SEPTIN7: variants seen among roughly 807,000 people sequenced by gnomAD.
SEPTIN7 encodes septin 7.
A neutral mutation model predicts 63.3 loss-of-function variants in SEPTIN7; 10 were observed. That is an observed-to-expected ratio of 0.16 (90% CI 0.10 to 0.27). The LOEUF is 0.27. SEPTIN7 is among the 10% of genes least tolerant of loss of function. The probability of loss-of-function intolerance (pLI) is 1.00; values close to 1 mark genes in which losing one functional copy is unlikely to be tolerated. For synonymous variants in SEPTIN7, 131 were observed against 165.3 expected, an observed-to-expected ratio of 0.79 and a Z score of 1.59; for missense variants, 310 against 521.0, an observed-to-expected ratio of 0.59 and a Z score of 3.94.
At chr7:35,861,806 G>T (rs76920401) in intron 3 of SEPTIN7, among the ~76,000 whole-genome samples, 2,635 of 152,262 alleles carry the variant, frequency 0.017, 33 homozygotes, top group Non-Finnish European at 0.026. Context: ...CACTCTTGCC[G>T]CTCATTTGAA....
At chr7:35,815,170 T>C (rs1241851075) in intron 1 of SEPTIN7, 1 of 447,052 alleles carries the variant, frequency 2.2e-6, no homozygotes, top group Admixed American at 2.5e-5. Flanking sequence ...TTCTAGTTCA[T>C]CTTGTATTTT....
chr7:35,804,287 T>A (rs2115630939), intron 1 of SEPTIN7, among the ~76,000 whole-genome samples: 1 of 152,354 alleles, frequency 6.6e-6, no homozygotes, highest in East Asian at 1.9e-4. Flanking sequence ...TCGGTGACTC[T>A]GCTTTAGGCC....
intron 1 of SEPTIN7, among the ~76,000 whole-genome samples, chr7:35,805,701 T>TA (rs1342284012): frequency 7.2e-5 from 11 of 152,242 alleles, no homozygotes. Context: ...TGCTCCTGCT[T>TA]ACGTTATTTT....
chr7:35,901,899 G>T (rs1472768771), intron 12 of SEPTIN7: 2 of 151,978 alleles, frequency 1.3e-5, no homozygotes, highest in African/African-American at 4.8e-5. Flanking sequence ...TATCACCTCA[G>T]ATTTGATTCA....
chr7:35,898,661 G>C, intron 12 of SEPTIN7: 1 of 234,008 alleles, frequency 4.3e-6, no homozygotes, highest in East Asian at 8.2e-5. Context: ...AGTTTGAGTT[G>C]TGAAAAATAA....
chr7:35,887,470 C>T (rs1787331637), intron 10 of SEPTIN7, among the ~76,000 whole-genome samples: 1 of 152,206 alleles, frequency 6.6e-6, no homozygotes, highest in Non-Finnish European at 1.5e-5. Context: ...CCTCAGCTTC[C>T]TGAGTAGCTG....
intron 3 of SEPTIN7, among the ~76,000 whole-genome samples, chr7:35,839,446 G>A (rs1334265081): frequency 1.3e-5 from 2 of 152,082 alleles, no homozygotes; most frequent in Admixed American, 6.5e-5. Context: ...GGAAATTTTG[G>A]TCAACATTTT....
intron 1 of SEPTIN7, among the ~76,000 whole-genome samples, chr7:35,806,943 G>T (rs2115660049): frequency 6.6e-6 from 1 of 152,278 alleles, no homozygotes; most frequent in African/African-American, 2.4e-5. Flanking sequence ...AAAATCTTTG[G>T]CTCTGATTGA....
chr7:35,911,809 A>G (rs1387545946), downstream of SEPTIN7, among the ~76,000 whole-genome samples: 1 of 152,212 alleles, frequency 6.6e-6, no homozygotes. Context: ...ATCTAGAAAG[A>G]CACTCTACAA....
chr7:35,807,214 C>T (rs1419423791), intron 1 of SEPTIN7, among the ~76,000 whole-genome samples: 1 of 145,556 alleles, frequency 6.9e-6, no homozygotes, highest in Non-Finnish European at 1.5e-5. Flanking sequence ...AACGGAGTTT[C>T]GCTCTTGTTG....
chr7:35,883,195 A>T (rs1460496788), intron 8 of SEPTIN7, among the ~76,000 whole-genome samples: 1 of 152,170 alleles, frequency 6.6e-6, no homozygotes, highest in African/African-American at 2.4e-5. Context: ...AATTAAAAAC[A>T]ATAAAAACCA....
Position 35,906,491 on chromosome 7 carries a change from TG to T in SEPTIN7, c.*2199del, listed in dbSNP as rs1418661789. Reference sequence around the variant, plus strand: ...CTGTAGAAAGCAAAATGGCAGTGTCTGTTCTCCACTGTTGGAGGCATTATGT... The same window carrying T: ...CTGTAGAAAGCAAAATGGCAGTGTCTTTCTCCACTGTTGGAGGCATTATGT... On this transcript the variant is annotated 3_prime_UTR_variant, in exon 14 of 14. Coordinates refer to ENST00000350320, the MANE Select transcript of SEPTIN7 (RefSeq NM_001788.6). 6.6e-6 allele frequency: 1 copy of T among 152,268 alleles called. No homozygotes were observed. Among genetic ancestry groups the T allele is most frequent in the Non-Finnish European group, 1.5e-5 (1 of 68,056 alleles). 9.4% of individuals were successfully genotyped at this position (152,268 alleles called of 1,614,324 possible). A position where few individuals can be genotyped will look rare whatever the true frequency, so the allele number is the denominator to read the frequency against.
chr7:35,858,512 C>T (rs1195959615), intron 3 of SEPTIN7, among the ~76,000 whole-genome samples: 1 of 151,856 alleles, frequency 6.6e-6, no homozygotes, highest in African/African-American at 2.4e-5. Context: ...TGCCCTGCCA[C>T]GCCCAACTAA....
intron 11 of SEPTIN7, among the ~76,000 whole-genome samples, chr7:35,896,594 G>A (rs1463436882): frequency 1.3e-5 from 2 of 152,126 alleles, no homozygotes; most frequent in African/African-American, 2.4e-5. Flanking sequence ...AATATGAGGA[G>A]TATATTATTA....
At chr7:35,826,084 C>A (rs1473455176) in intron 1 of SEPTIN7, among the ~76,000 whole-genome samples, 4 of 151,914 alleles carry the variant, frequency 2.6e-5, no homozygotes, top group Non-Finnish European at 4.4e-5. Context: ...TATATTAAAT[C>A]TAGAATCTAG....
At chr7:35,902,235 G>A (rs1788366717) in intron 12 of SEPTIN7, 2 of 150,620 alleles carry the variant, frequency 1.3e-5, no homozygotes, top group African/African-American at 4.9e-5. Flanking sequence ...TTTCAGAAAT[G>A]GATTGACTTG....
intron 11 of SEPTIN7, among the ~76,000 whole-genome samples, chr7:35,897,530 A>C (rs1221773545): frequency 6.6e-6 from 1 of 152,148 alleles, no homozygotes; most frequent in East Asian, 1.9e-4. Context: ...TAATTTAACT[A>C]TGCTTATGTC....
In SEPTIN7 at chr7:35,867,218, T is replaced by C. The variant is rs1364209212; in HGVS notation, c.276+3560T>C. On this transcript the variant is annotated intron_variant, in intron 4 of 13. Transcript: ENST00000350320. ...TGAAAAAAATTGAACATTTGAGCTC[T>C]ACTTCATGTTTCAGTATCAAATATA... Among the ~76,000 whole-genome samples the C allele has an allele frequency of 5.3e-5, 8 of 152,240 alleles. No homozygotes were observed. The South Asian group carries it at 1.7e-3, about 32-fold the overall frequency.
intron 11 of SEPTIN7, among the ~76,000 whole-genome samples, chr7:35,896,968 C>G (rs1562588665): frequency 6.6e-6 from 1 of 152,122 alleles, no homozygotes; most frequent in South Asian, 2.1e-4. Flanking sequence ...TTCTATCTAG[C>G]TCTTTTGCCT....
Sources: gnomAD v4.1 joint callset for allele counts (sites outside exome capture counted in the v4.1 genomes callset) on GRCh38, gnomAD v4.1.1 for gene constraint, MANE v1.5 for transcripts, NCBI Gene and HGNC (gene_info 2026-07-23, HGNC 2026-07-21) for gene names.